Variants in EPN2 observed in about 807,000 individuals in gnomAD.
EPN2 encodes the protein epsin 2, also known as epsin-2.
In EPN2, 34 loss-of-function variants were observed where a neutral mutation model predicts 61.7. The ratio of observed to expected loss-of-function variants is 0.55; its 90% CI spans 0.42 to 0.73. EPN2 has a LOEUF of 0.73. EPN2 is among the 30% of genes least tolerant of loss of function. The pLI, the probability that EPN2 is intolerant of heterozygous loss-of-function variation, is 0.00. For synonymous variants in EPN2, 349 were observed against 353.6 expected (o/e 0.99, Z 0.15); for missense variants, 714 against 839.2 (o/e 0.85, Z 1.84).
Position 19,283,067 on chromosome 17 carries a change from C to A in EPN2, c.-53C>A. 1.4e-6 allele frequency: 2 copies of A among 1,384,766 alleles called. No homozygotes were observed. Among genetic ancestry groups the A allele is most frequent in the Non-Finnish European group, 2.0e-6 (2 of 1,000,820 alleles). 85.8% of individuals were successfully genotyped at this position (1,384,766 alleles called of 1,614,324 possible). A position where few individuals can be genotyped will look rare whatever the true frequency, so the allele number is the denominator to read the frequency against. ...TCATAGGGTGCGCACTTACCAAGGA[C>A]AGGAAGGTTTCTCTGTTTGAAGGGC... On this transcript the variant is annotated 5_prime_UTR_variant, in exon 3 of 11. Coordinates refer to ENST00000314728, the MANE Select transcript of EPN2 (RefSeq NM_014964.5). This position sits in a 1 kb window ranked among gnomAD's most constrained non-coding sequence, Gnocchi z 7.0.
intron 5 of EPN2, among the ~76,000 whole-genome samples, chr17:19,310,571 CTTTT>C (rs71155391): frequency 1.7e-4 from 14 of 80,910 alleles, no homozygotes; most frequent in African/African-American, 3.5e-4. Flanking sequence ...CTCCTTCTTT[CTTTT>C]TTTTTTTTTT....
At chr17:19,292,505 TGTCAGC>T (rs1385004331) in intron 4 of EPN2, among the ~76,000 whole-genome samples, 2 of 152,384 alleles carry the variant, frequency 1.3e-5, no homozygotes, top group African/African-American at 4.8e-5. Context: ...ACAGCAGGGC[TGTCAGC>T]GTTAGCTTAC....
intron 1 of EPN2, among the ~76,000 whole-genome samples, chr17:19,243,656 C>G (rs939152418): frequency 6.6e-6 from 1 of 151,904 alleles, no homozygotes; most frequent in African/African-American, 2.4e-5. Flanking sequence ...GCCTCCCAAA[C>G]TGCTGGGATT....
intron 1 of EPN2, among the ~76,000 whole-genome samples, chr17:19,244,569 G>A (rs921950429): frequency 2.4e-4 from 37 of 152,226 alleles, no homozygotes; most frequent in African/African-American, 8.4e-4. Flanking sequence ...GTTAATGGAA[G>A]TTGCTTCTCC....
At chr17:19,259,171 G>C (rs1567845088) in intron 1 of EPN2, among the ~76,000 whole-genome samples, 1 of 152,252 alleles carries the variant, frequency 6.6e-6, no homozygotes, top group Admixed American at 6.5e-5. Flanking sequence ...GCCCTATAAG[G>C]CTTATGGAAA....
chr17:19,240,066 T>C (rs2044866881), intron 1 of EPN2, among the ~76,000 whole-genome samples: 1 of 152,176 alleles, frequency 6.6e-6, no homozygotes, highest in Non-Finnish European at 1.5e-5. Context: ...TGCATGGAAT[T>C]GTCCTTGTCA....
intron 7 of EPN2, 96 bp downstream of exon 7, chr17:19,313,375 C>G (rs746275910): frequency 6.5e-6 from 8 of 1,227,858 alleles, no homozygotes; most frequent in Non-Finnish European, 8.9e-6. Flanking sequence ...TGGGTCTGGT[C>G]GATTGTGGTG....
At chr17:19,305,925 G>A (rs1203521175) in intron 4 of EPN2, 1 of 152,214 alleles carries the variant, frequency 6.6e-6, no homozygotes, top group East Asian at 1.9e-4. Flanking sequence ...GGAAAGGATA[G>A]AAATAAGGCC....
chr17:19,294,750 C>T (rs770553504), intron 4 of EPN2, among the ~76,000 whole-genome samples: 2 of 152,184 alleles, frequency 1.3e-5, no homozygotes, highest in Non-Finnish European at 2.9e-5. Flanking sequence ...CTGGGCCACA[C>T]CTTTGCCACA....
intron 5 of EPN2, among the ~76,000 whole-genome samples, chr17:19,310,930 G>A (rs1906107822): frequency 6.6e-6 from 1 of 152,108 alleles, no homozygotes; most frequent in Non-Finnish European, 1.5e-5. Flanking sequence ...GAAGGGAAAG[G>A]AGCAATTAGA....
intron 4 of EPN2, among the ~76,000 whole-genome samples, chr17:19,287,156 C>G (rs1039179632): frequency 3.3e-5 from 5 of 151,988 alleles, no homozygotes; most frequent in Non-Finnish European, 7.4e-5. Flanking sequence ...GCCATCTTCC[C>G]CCACTGCGGC....
chr17:19,239,919 C>T (rs778157265), intron 1 of EPN2, among the ~76,000 whole-genome samples: 4 of 151,950 alleles, frequency 2.6e-5, no homozygotes, highest in Admixed American at 6.6e-5. Flanking sequence ...CCATAATGAG[C>T]GGAGGATTTC....
chr17:19,301,198 C>T (rs1488173118), intron 4 of EPN2, among the ~76,000 whole-genome samples: 4 of 152,130 alleles, frequency 2.6e-5, no homozygotes, highest in African/African-American at 9.7e-5. Flanking sequence ...GCAGTCTCCC[C>T]TGGTGTGTCT....
chr17:19,262,192 A>G (rs898226530), intron 1 of EPN2, among the ~76,000 whole-genome samples: 1 of 150,588 alleles, frequency 6.6e-6, no homozygotes, highest in African/African-American at 2.5e-5. Flanking sequence ...ATCTAAAAAA[A>G]AACAGGCCAG....
At chr17:19,286,315 G>A (rs1341480242) in intron 4 of EPN2, among the ~76,000 whole-genome samples, 1 of 151,986 alleles carries the variant, frequency 6.6e-6, no homozygotes, top group Non-Finnish European at 1.5e-5. Context: ...TGTTCTTCCT[G>A]AAATCCCTGT....
intron 6 of EPN2, 35 bp from the exon 7 acceptor site, chr17:19,313,070 T>C: frequency 6.2e-7 from 1 of 1,602,642 alleles, no homozygotes; most frequent in South Asian, 1.1e-5. Context: ...AACTGTAGCA[T>C]AGTAAAACCT....
At chr17:19,254,226 A>AAAGG (rs1399412680) in intron 1 of EPN2, among the ~76,000 whole-genome samples, 1 of 151,698 alleles carries the variant, frequency 6.6e-6, no homozygotes, top group African/African-American at 2.4e-5. Flanking sequence ...AAAGGAAAGG[A>AAAGG]AAGGAAGGAA....
At chr17:19,238,327 C>T (rs1393259908) in intron 1 of EPN2, among the ~76,000 whole-genome samples, 1 of 152,236 alleles carries the variant, frequency 6.6e-6, no homozygotes, top group Non-Finnish European at 1.5e-5. Context: ...GAGCCGAGAG[C>T]CGAGCGCGTT....
chr17:19,257,502 T>G (rs2045092930), intron 1 of EPN2, among the ~76,000 whole-genome samples: 1 of 150,726 alleles, frequency 6.6e-6, no homozygotes, highest in South Asian at 2.1e-4. Flanking sequence ...ATATTTTGAT[T>G]TATTTTCTCT....
Sources: gnomAD v4.1 joint callset for allele counts (sites outside exome capture counted in the v4.1 genomes callset) on GRCh38, gnomAD v4.1.1 for gene constraint, Gnocchi (gnomAD v3.1) non-coding constraint, MANE v1.5 for transcripts, NCBI Gene and HGNC (gene_info 2026-07-23, HGNC 2026-07-21) for gene names.